CAMKMT: variants seen among roughly 807,000 people sequenced by gnomAD.
CAMKMT encodes CaM KMT.
Under a neutral mutation model 48.0 loss-of-function variants are expected in CAMKMT, and 53 were observed. The observed-to-expected ratio is 1.10, with a 90% CI of 0.89 to 1.39. CAMKMT has a LOEUF of 1.39. CAMKMT is among the 40% of genes most tolerant of loss of function. CAMKMT has a pLI of 0.00. For missense variants in CAMKMT, 428 were observed against 402.7 expected, an observed-to-expected ratio of 1.06 and a Z score of -0.54; for synonymous variants, 165 against 152.3, an observed-to-expected ratio of 1.08 and a Z score of -0.61.
At chr2:44,749,280 A>G (rs1217945169) in intron 8 of CAMKMT, among the ~76,000 whole-genome samples, 1 of 152,102 alleles carries the variant, frequency 6.6e-6, no homozygotes, top group Non-Finnish European at 1.5e-5. Context: ...TCGGAAGAGA[A>G]CCTAGTCTGT....
intron 3 of CAMKMT, among the ~76,000 whole-genome samples, chr2:44,644,949 G>A (rs1271313005): frequency 2.0e-5 from 3 of 152,092 alleles, no homozygotes; most frequent in South Asian, 2.1e-4. Flanking sequence ...GAGTTCTGTC[G>A]TTCTCTCAAA....
At chr2:44,588,280 GGCAGCCACCCC>G (rs1670010121) in intron 3 of CAMKMT, among the ~76,000 whole-genome samples, 1 of 60,720 alleles carries the variant, frequency 1.6e-5, no homozygotes, top group African/African-American at 6.6e-5. Context: ...GTCTCCGCCC[GGCAGCCACCCC>G]GTCCGGGAGG....
chr2:44,562,448 C>T (rs1405705899), intron 3 of CAMKMT, among the ~76,000 whole-genome samples: 1 of 152,170 alleles, frequency 6.6e-6, no homozygotes, highest in Non-Finnish European at 1.5e-5. Flanking sequence ...ATTCACACAA[C>T]ATCCCTGGGA....
chr2:44,491,013 C>A (rs182410212), intron 3 of CAMKMT, among the ~76,000 whole-genome samples: 1 of 152,016 alleles, frequency 6.6e-6, no homozygotes, highest in Non-Finnish European at 1.5e-5. Context: ...ATTAGCTGGG[C>A]ATGGTGGCAT....
intron 10 of CAMKMT, among the ~76,000 whole-genome samples, chr2:44,769,293 C>A (rs1681000876): frequency 6.6e-6 from 1 of 152,218 alleles, no homozygotes; most frequent in Admixed American, 6.5e-5. Flanking sequence ...CGGTGCCATT[C>A]CGCACTTTTC....
chr2:44,520,485 A>G (rs1007185027), intron 3 of CAMKMT, among the ~76,000 whole-genome samples: 11 of 152,284 alleles, frequency 7.2e-5, no homozygotes, highest in African/African-American at 2.6e-4. Flanking sequence ...TGGTTATATC[A>G]TCATGAGTGA....
At chr2:44,382,483 CT>C (rs1180515860) in intron 2 of CAMKMT, among the ~76,000 whole-genome samples, 172 of 140,036 alleles carry the variant, frequency 1.2e-3, no homozygotes, top group Middle Eastern at 3.6e-3. Flanking sequence ...TTTTCTTTTT[CT>C]TTTTTTTTTT....
At chr2:44,602,215 A>G (rs1328844265) in intron 3 of CAMKMT, among the ~76,000 whole-genome samples, 4 of 151,974 alleles carry the variant, frequency 2.6e-5, no homozygotes, top group Admixed American at 6.5e-5. Flanking sequence ...CATGTTGCCC[A>G]GTCTCGAACT....
At chr2:44,567,703 G>T (rs931765741) in intron 3 of CAMKMT, among the ~76,000 whole-genome samples, 1 of 152,226 alleles carries the variant, frequency 6.6e-6, no homozygotes, top group Admixed American at 6.5e-5. Context: ...TCCTTGTCAG[G>T]TTTCTTCTGC....
chr2:44,408,390 C>T (rs1210030113), intron 3 of CAMKMT, among the ~76,000 whole-genome samples: 2 of 152,020 alleles, frequency 1.3e-5, no homozygotes, highest in Non-Finnish European at 2.9e-5. Flanking sequence ...ATGACAATAA[C>T]AGTAAAATGA....
At chr2:44,540,598 A>C (rs998595791) in intron 3 of CAMKMT, among the ~76,000 whole-genome samples, 1 of 152,164 alleles carries the variant, frequency 6.6e-6, no homozygotes, top group Non-Finnish European at 1.5e-5. Context: ...ACAAAACACA[A>C]AAATTAGCCG....
intron 3 of CAMKMT, among the ~76,000 whole-genome samples, chr2:44,444,544 C>G (rs537782125): frequency 6.6e-6 from 1 of 152,234 alleles, no homozygotes; most frequent in South Asian, 2.1e-4. Flanking sequence ...ACTTTTGAAC[C>G]TGTGTTATTT....
At chr2:44,600,893 T>C (rs986758387) in intron 3 of CAMKMT, among the ~76,000 whole-genome samples, 1 of 152,106 alleles carries the variant, frequency 6.6e-6, no homozygotes, top group Non-Finnish European at 1.5e-5. Context: ...CGGGAATTTA[T>C]GTAAGATGTG....
intron 3 of CAMKMT, among the ~76,000 whole-genome samples, chr2:44,457,770 CAAAG>C: frequency 6.6e-6 from 1 of 152,118 alleles, no homozygotes; most frequent in Non-Finnish European, 1.5e-5. Flanking sequence ...GAAGAGAAAG[CAAAG>C]ATAGATTAGA....
intron 3 of CAMKMT, among the ~76,000 whole-genome samples, chr2:44,616,790 C>A (rs1483283232): frequency 6.6e-6 from 1 of 152,210 alleles, no homozygotes; most frequent in Non-Finnish European, 1.5e-5. Flanking sequence ...TTGATCTACA[C>A]ATATCACACA....
intron 3 of CAMKMT, among the ~76,000 whole-genome samples, chr2:44,494,416 CT>C (rs747693636): frequency 4.6e-5 from 7 of 152,176 alleles, no homozygotes; most frequent in South Asian, 2.1e-4. Flanking sequence ...TTTTTCCCCC[CT>C]CTTCCCTCTG....
At chr2:44,430,438 C>G (rs1353277497) in intron 3 of CAMKMT, among the ~76,000 whole-genome samples, 1 of 151,308 alleles carries the variant, frequency 6.6e-6, no homozygotes, top group Non-Finnish European at 1.5e-5. Flanking sequence ...CAAACAATGC[C>G]TAAGAATTTA....
In CAMKMT at chr2:44,525,175, T is replaced by C. The variant is rs1572714119; in HGVS notation, c.376+134870T>C. 3.3e-5 allele frequency among the ~76,000 whole-genome samples: 5 copies of C among 152,342 alleles called. No homozygotes were observed. In the East Asian group the frequency reaches 9.6e-4, roughly 29 times the overall value. The stretch of plus-strand genomic sequence containing the variant: ...ACAAAATATATAGTAAATTAGATTA[T>C]TATTTTAGAACTGTTCATGTTTAGC... On this transcript the variant is annotated intron_variant, in intron 3 of 10. Transcript: ENST00000378494.
At chr2:44,604,558 G>GTTTTTT (rs34125010) in intron 3 of CAMKMT, among the ~76,000 whole-genome samples, 3,403 of 143,300 alleles carry the variant, frequency 0.024, 142 homozygotes, top group African/African-American at 0.084. Context: ...AGCCAATCTG[G>GTTTTTT]TTTTTTTTTT....
Sources: gnomAD v4.1 joint callset for allele counts (sites outside exome capture counted in the v4.1 genomes callset) on GRCh38, gnomAD v4.1.1 for gene constraint, MANE v1.5 for transcripts, NCBI Gene and HGNC (gene_info 2026-07-23, HGNC 2026-07-21) for gene names.